Variants in EXOC6B observed in about 807,000 individuals in gnomAD.
EXOC6B encodes SEC15 homolog B.
EXOC6B carries 54 observed loss-of-function variants against 113.5 expected under a neutral mutation model. The observed-to-expected ratio is 0.48, with a 90% CI of 0.38 to 0.60. The LOEUF (loss-of-function observed/expected upper bound fraction) is 0.60. Ranked by LOEUF, EXOC6B falls within the 20% of genes least tolerant of loss-of-function variation. EXOC6B has a pLI of 0.00. For missense variants in EXOC6B, 797 were observed against 977.5 expected, an observed-to-expected ratio of 0.82 and a Z score of 2.46; for synonymous variants, 357 against 339.0, an observed-to-expected ratio of 1.05 and a Z score of -0.58.
At position 72,488,274 on chromosome 2, in the gene EXOC6B, C is replaced by T. The variant is rs565404225; in HGVS notation, c.1665+4044G>A. ...TCCTTCCCAATCTCCTTTCATGGTT[C>T]CTCTTTTCTCCTGATATCTTAATAT... On this transcript the variant is annotated intron_variant, in intron 16 of 21. Coordinates refer to ENST00000272427, the MANE Select transcript of EXOC6B (RefSeq NM_015189.3). 3.9e-5 allele frequency among the ~76,000 whole-genome samples: 6 copies of T among 152,072 alleles called. No individual in the cohort carries two copies. In the South Asian group the frequency reaches 1.2e-3, roughly 32 times the overall value.
intron 6 of EXOC6B, among the ~76,000 whole-genome samples, chr2:72,598,394 T>C (rs1490646254): frequency 6.6e-6 from 1 of 151,874 alleles, no homozygotes; most frequent in African/African-American, 2.4e-5. Context: ...TAATAAAAAT[T>C]TGTGGTATAG....
Position 72,820,167 on chromosome 2 carries a change from T to C in EXOC6B, c.113+5631A>G, listed in dbSNP as rs572500758. Among the ~76,000 whole-genome samples the C allele has an allele frequency of 7.9e-5, 12 of 152,322 alleles. No homozygotes were observed. In the South Asian group the frequency reaches 2.5e-3, roughly 32 times the overall value. On this transcript the variant is annotated intron_variant, in intron 1 of 21. Transcript: ENST00000272427. ...GAAAATATCCCCCTCAATTTGTTTC[T>C]TGTTTATAAAGAGCTAGCTTTATAA...
At chr2:72,603,784 T>TG (rs1670582005) in intron 6 of EXOC6B, among the ~76,000 whole-genome samples, 1 of 152,150 alleles carries the variant, frequency 6.6e-6, no homozygotes, top group Non-Finnish European at 1.5e-5. Flanking sequence ...AACTGGAGGT[T>TG]GAGCCAGTCA....
chr2:72,418,679 C>T (rs1227038998), intron 18 of EXOC6B, among the ~76,000 whole-genome samples: 1 of 152,142 alleles, frequency 6.6e-6, no homozygotes, highest in East Asian at 1.9e-4. Flanking sequence ...CATGCTTCTA[C>T]TTTGAACCTG....
chr2:72,215,680 A>G (rs558923235), intron 20 of EXOC6B, among the ~76,000 whole-genome samples: 47 of 152,290 alleles, frequency 3.1e-4, no homozygotes, highest in Admixed American at 2.4e-3. Context: ...AGCGCGTACC[A>G]TGAGTACAGA....
At chr2:72,517,375 T>G (rs2105696306) in intron 8 of EXOC6B, among the ~76,000 whole-genome samples, 1 of 152,322 alleles carries the variant, frequency 6.6e-6, no homozygotes, top group African/African-American at 2.4e-5. Flanking sequence ...GGTTATGGTT[T>G]GTTGAACCCT....
At chr2:72,199,898 T>C (rs896864774) in intron 20 of EXOC6B, among the ~76,000 whole-genome samples, 7 of 152,142 alleles carry the variant, frequency 4.6e-5, no homozygotes, top group African/African-American at 1.4e-4. Context: ...GAGGTTTTTA[T>C]TTTTATTTTT....
chr2:72,582,754 C>G (rs1467930738), intron 6 of EXOC6B, among the ~76,000 whole-genome samples: 2 of 152,100 alleles, frequency 1.3e-5, no homozygotes, highest in African/African-American at 4.8e-5. Context: ...CACACAGGCT[C>G]TCCAGCAATG....
At chr2:72,314,200 C>T (rs1687373031) in intron 20 of EXOC6B, among the ~76,000 whole-genome samples, 1 of 152,150 alleles carries the variant, frequency 6.6e-6, no homozygotes, top group East Asian at 1.9e-4. Flanking sequence ...TTTGCCCTGT[C>T]TCTTCCTGGC....
intron 18 of EXOC6B, among the ~76,000 whole-genome samples, chr2:72,398,921 T>C (rs1280195458): frequency 2.1e-5 from 3 of 140,500 alleles, no homozygotes; most frequent in African/African-American, 8.1e-5. Flanking sequence ...AAGAAAAACA[T>C]AAAACAATAA....
chr2:72,717,107 A>T (rs1679668749), intron 6 of EXOC6B, among the ~76,000 whole-genome samples: 1 of 152,192 alleles, frequency 6.6e-6, no homozygotes, highest in African/African-American at 2.4e-5. Flanking sequence ...TAAACTCTGC[A>T]CTTTGTGAAG....
At chr2:72,437,781 A>C (rs1478926376) in intron 18 of EXOC6B, among the ~76,000 whole-genome samples, 1 of 152,234 alleles carries the variant, frequency 6.6e-6, no homozygotes, top group Non-Finnish European at 1.5e-5. Context: ...GCATATAAGA[A>C]CAAAAATTGT....
chr2:72,622,947 G>A (rs774588809), intron 6 of EXOC6B, among the ~76,000 whole-genome samples: 12 of 152,156 alleles, frequency 7.9e-5, no homozygotes, highest in East Asian at 1.9e-4. Context: ...TACTACAGCC[G>A]AACATATGCA....
chr2:72,569,069 C>T (rs1704367057), intron 7 of EXOC6B, among the ~76,000 whole-genome samples: 1 of 151,966 alleles, frequency 6.6e-6, no homozygotes, highest in African/African-American at 2.4e-5. Context: ...CAAAACAGAA[C>T]GTCTAAAGCA....
At chr2:72,540,992 TG>T (rs1417594077) in intron 8 of EXOC6B, among the ~76,000 whole-genome samples, 1 of 152,230 alleles carries the variant, frequency 6.6e-6, no homozygotes, top group African/African-American at 2.4e-5. Flanking sequence ...GACTGGCATT[TG>T]ATATGGTTTG....
At chr2:72,580,460 A>T (rs1705153554) in intron 6 of EXOC6B, among the ~76,000 whole-genome samples, 1 of 152,090 alleles carries the variant, frequency 6.6e-6, no homozygotes, top group Admixed American at 6.6e-5. Context: ...TTGTTTCACT[A>T]TCTACTATGG....
At chr2:72,378,870 A>C (rs920553126) in intron 19 of EXOC6B, among the ~76,000 whole-genome samples, 4 of 152,166 alleles carry the variant, frequency 2.6e-5, no homozygotes, top group Non-Finnish European at 4.4e-5. Context: ...TTTGCATTCA[A>C]CTTCGAGTAG....
rs144614798 is a variant in EXOC6B, at chr2:72,678,203, G to A, written c.669+39900C>T. 3.8e-3 allele frequency among the ~76,000 whole-genome samples: 571 copies of A among 152,212 alleles called. 6 individuals are homozygous for A. Among genetic ancestry groups the A allele is most frequent in the African/African-American group, 0.013 (550 of 41,518 alleles). ...CACTTGAAATTTCAGAAATGCAAAT[G>A]CAATGTACCAACAGCTGTTCACACT... On this transcript the variant is annotated intron_variant, in intron 6 of 21. Coordinates refer to ENST00000272427, the MANE Select transcript of EXOC6B (RefSeq NM_015189.3).
chr2:72,474,454 TC>T (rs1332639434), intron 17 of EXOC6B, among the ~76,000 whole-genome samples: 1 of 152,174 alleles, frequency 6.6e-6, no homozygotes, highest in East Asian at 1.9e-4. Flanking sequence ...CTTTGCTCAT[TC>T]TTTTTTTAGT....
Sources: allele counts gnomAD v4.1 joint callset (sites outside exome capture counted in the v4.1 genomes callset), GRCh38; gene constraint gnomAD v4.1.1; transcripts MANE v1.5; gene names NCBI Gene and HGNC (gene_info 2026-07-23, HGNC 2026-07-21).